The following PDGFRL variants were observed in gnomAD, a reference collection of about 807,000 sequenced individuals.
The protein encoded by PDGFRL is platelet-derived growth factor receptor-like protein.
In PDGFRL, 46 loss-of-function variants were observed where a neutral mutation model predicts 37.2. The observed-to-expected ratio is 1.24, with a 90% CI of 0.98 to 1.58. The LOEUF (loss-of-function observed/expected upper bound fraction) is 1.58, where lower values mean the gene tolerates loss of function less well. Among genes scored for constraint, PDGFRL ranks in the 40% most tolerant of loss-of-function variants. The pLI, the probability that PDGFRL is intolerant of heterozygous loss-of-function variation, is 0.00. For missense variants in PDGFRL, 692 were observed against 467.6 expected (o/e 1.48, Z -4.43); for synonymous variants, 251 against 184.3 (o/e 1.36, Z -2.93).
chr8:17,615,846 C>T (rs889200096), intron 2 of PDGFRL, among the ~76,000 whole-genome samples: 1 of 152,222 alleles, frequency 6.6e-6, no homozygotes, highest in African/African-American at 2.4e-5. Context: ...GAGTTTGAGG[C>T]TGTAGTGAGC....
chr8:17,639,549 G>GT (rs1805048583), intron 5 of PDGFRL, among the ~76,000 whole-genome samples: 1 of 152,136 alleles, frequency 6.6e-6, no homozygotes, highest in African/African-American at 2.4e-5. Context: ...TAGTTTTGCT[G>GT]TACACAAAAT....
chr8:17,590,198 T>G (rs1274334577), intron 2 of PDGFRL, among the ~76,000 whole-genome samples: 1 of 111,182 alleles, frequency 9.0e-6, no homozygotes, highest in Non-Finnish European at 1.7e-5. Context: ...GCCAGTGCAC[T>G]CCATCCAGCC....
At chr8:17,585,913 G>C (rs1002794315) in intron 1 of PDGFRL, among the ~76,000 whole-genome samples, 2 of 151,926 alleles carry the variant, frequency 1.3e-5, no homozygotes, top group African/African-American at 4.8e-5. Flanking sequence ...TGTAACATTT[G>C]TTTATTTATT....
In PDGFRL at chr8:17,590,905, C is replaced by T. The variant is rs546663966; in HGVS notation, c.353+1140C>T. 6.7e-3 allele frequency among the ~76,000 whole-genome samples: 182 copies of T among 27,070 alleles called. 2 individuals are homozygous for T. In the South Asian group the frequency reaches 0.14, roughly 20 times the overall value. The allele number at this position is 27,070 out of a possible 152,430, so 17.8% of individuals were successfully genotyped here. ...TATTATTAATTTTTTTTTTTTGAGA[C>T]GGAGTCTCGCTCTGTCCCACAGGTT... On this transcript the variant is annotated intron_variant, in intron 2 of 5. Coordinates refer to ENST00000251630, the MANE Select transcript of PDGFRL (RefSeq NM_001372073.1).
intron 2 of PDGFRL, among the ~76,000 whole-genome samples, chr8:17,605,658 T>G (rs1804259373): frequency 6.6e-6 from 1 of 152,182 alleles, no homozygotes; most frequent in African/African-American, 2.4e-5. Flanking sequence ...CGTTGGAGAT[T>G]TCAGCTATGT....
At chr8:17,587,176 A>C (rs1397090778) in intron 1 of PDGFRL, among the ~76,000 whole-genome samples, 1 of 152,196 alleles carries the variant, frequency 6.6e-6, no homozygotes, top group East Asian at 1.9e-4. Flanking sequence ...TTCTGTGGTC[A>C]GGCAGCTGGA....
chr8:17,601,804 C>A (rs1050129801), intron 2 of PDGFRL, among the ~76,000 whole-genome samples: 1 of 152,238 alleles, frequency 6.6e-6, no homozygotes, highest in South Asian at 2.1e-4. Context: ...TGATTTCATT[C>A]TTTTTTATGG....
intron 2 of PDGFRL, among the ~76,000 whole-genome samples, chr8:17,592,674 G>A (rs529700981): frequency 5.8e-4 from 89 of 152,196 alleles, no homozygotes; most frequent in African/African-American, 1.7e-3. Flanking sequence ...CCTCAGTACC[G>A]GGCTAACCTC....
At chr8:17,591,502 G>A (rs2150814255) in intron 2 of PDGFRL, among the ~76,000 whole-genome samples, 1 of 152,156 alleles carries the variant, frequency 6.6e-6, no homozygotes, top group African/African-American at 2.4e-5. Context: ...GAAGGGTAGG[G>A]GATGACATGA....
intron 2 of PDGFRL, among the ~76,000 whole-genome samples, chr8:17,597,542 C>G (rs1394256916): frequency 1.5e-5 from 1 of 66,868 alleles, no homozygotes; most frequent in African/African-American, 4.8e-5. Flanking sequence ...GAGAAAAATG[C>G]AATATACATT....
upstream of PDGFRL, chr8:17,577,162 C>T (rs1803601872): frequency 6.5e-7 from 1 of 1,543,532 alleles, no homozygotes; most frequent in Non-Finnish European, 8.7e-7. Context: ...CTTCGGCGTC[C>T]CAGGAGCCCG....
At chr8:17,609,444 C>T (rs563227787) in intron 2 of PDGFRL, among the ~76,000 whole-genome samples, 9 of 151,368 alleles carry the variant, frequency 5.9e-5, no homozygotes, top group South Asian at 2.1e-4. Context: ...CACTGCACTC[C>T]GACCTGGGCG....
chr8:17,593,538 C>T (rs1043312999), intron 2 of PDGFRL, among the ~76,000 whole-genome samples: 1 of 150,398 alleles, frequency 6.6e-6, no homozygotes, highest in Non-Finnish European at 1.5e-5. Context: ...GTCAACGCTG[C>T]AGTGAGCCGT....
At chr8:17,628,230 G>A (rs991092299) in intron 3 of PDGFRL, among the ~76,000 whole-genome samples, 19 of 151,706 alleles carry the variant, frequency 1.3e-4, no homozygotes, top group African/African-American at 4.4e-4. Context: ...TCCTGACCTC[G>A]TGATCTGCCC....
chr8:17,603,501 C>G (rs1346167309), intron 2 of PDGFRL, among the ~76,000 whole-genome samples: 3 of 152,152 alleles, frequency 2.0e-5, no homozygotes, highest in Admixed American at 2.0e-4. Flanking sequence ...CAGACTCAGT[C>G]CATCCCAGAT....
At chr8:17,627,406 G>A (rs961313719) in intron 3 of PDGFRL, among the ~76,000 whole-genome samples, 3 of 151,860 alleles carry the variant, frequency 2.0e-5, no homozygotes, top group African/African-American at 7.3e-5. Flanking sequence ...GGGGACATAT[G>A]TAATCTATAA....
At chr8:17,580,120 C>T (rs1034274156) in intron 1 of PDGFRL, among the ~76,000 whole-genome samples, 1 of 152,100 alleles carries the variant, frequency 6.6e-6, no homozygotes, top group African/African-American at 2.4e-5. Context: ...AACATGAGAT[C>T]CTTGATCCAT....
At chr8:17,629,140 G>C (rs1017570252) in intron 4 of PDGFRL, among the ~76,000 whole-genome samples, 2 of 148,818 alleles carry the variant, frequency 1.3e-5, no homozygotes, top group African/African-American at 5.0e-5. Context: ...ACCTTGCCTG[G>C]GCTGGTCTCG....
At chr8:17,586,207 G>A (rs1486938129) in intron 1 of PDGFRL, among the ~76,000 whole-genome samples, 1 of 152,164 alleles carries the variant, frequency 6.6e-6, no homozygotes, top group African/African-American at 2.4e-5. Context: ...ACCTTCCTTG[G>A]CCTCTCAGAG....
Sources: allele counts gnomAD v4.1 joint callset (sites outside exome capture counted in the v4.1 genomes callset), GRCh38; gene constraint gnomAD v4.1.1; transcripts MANE v1.5; gene names NCBI Gene and HGNC (gene_info 2026-07-23, HGNC 2026-07-21).